Variants in MEGF10 observed in about 807,000 individuals in gnomAD.
MEGF10 encodes multiple EGF like domains 10, also known as multiple epidermal growth factor-like domains protein 10.
MEGF10 carries 86 observed loss-of-function variants against 147.5 expected under a neutral mutation model. The observed-to-expected ratio is 0.58, with a 90% CI of 0.49 to 0.70. The LOEUF (loss-of-function observed/expected upper bound fraction) is 0.70. MEGF10 is among the 30% of genes least tolerant of loss of function. MEGF10 has a pLI of 0.00. For synonymous variants in MEGF10, 478 were observed against 525.5 expected, an observed-to-expected ratio of 0.91 and a Z score of 1.24; for missense variants, 1,329 against 1,487.3, an observed-to-expected ratio of 0.89 and a Z score of 1.75.
intron 2 of MEGF10, among the ~76,000 whole-genome samples, chr5:127,331,729 C>T (rs1474022757): frequency 2.0e-5 from 3 of 151,996 alleles, no homozygotes; most frequent in Admixed American, 6.6e-5. Context: ...TTTGAATTTG[C>T]ATTAATTTTG....
rs770953905 is a variant in MEGF10 at position 127,398,807 on chromosome 5, T to G, written c.780+11T>G. On this transcript the variant is annotated intron_variant, in intron 7 of 24. Transcript: ENST00000503335. ...CCTTCTGGCTGGATGGTAAGCTTCC[T>G]TCCCACCTCCTCTGCCCCTGCCCCA... 1 of 1,613,268 alleles carries G rather than the reference T, an allele frequency of 6.2e-7. No homozygotes were observed. Among genetic ancestry groups the G allele is most frequent in the Non-Finnish European group, 8.5e-7 (1 of 1,179,816 alleles).
chr5:127,232,744 T>G, the MEGF10 span, among the ~76,000 whole-genome samples: 2 of 152,118 alleles, frequency 1.3e-5, no homozygotes, highest in African/African-American at 2.4e-5. Flanking sequence ...ATAGAAAAGA[T>G]GGGCACTTAT....
chr5:127,360,410 T>C (rs1249032088), intron 4 of MEGF10, among the ~76,000 whole-genome samples: 2 of 152,020 alleles, frequency 1.3e-5, no homozygotes, highest in African/African-American at 4.8e-5. Context: ...ATACATATAT[T>C]TACATAGTCT....
rs773666912 is a variant in MEGF10 at position 127,435,511 on chromosome 5, TTAA to T, written c.2104+26_2104+28del. 3 of 1,604,442 alleles carry T rather than the reference TTAA, an allele frequency of 1.9e-6. No individual in the cohort carries two copies. The East Asian group carries it at 6.8e-5, about 36-fold the overall frequency. On this transcript the variant is annotated intron_variant, in intron 16 of 24. Transcript: ENST00000503335. ...CAACGTAAGTCTTGTTTGAGAACAA[TTAA>T]TAAACTGTTCTTATTTGTTTGTTTT...
intron 5 of MEGF10, among the ~76,000 whole-genome samples, chr5:127,387,965 G>T (rs1763495825): frequency 6.6e-6 from 1 of 150,986 alleles, no homozygotes; most frequent in Non-Finnish European, 1.5e-5. Flanking sequence ...GGGTTTCTCT[G>T]CTTGTGAAAG....
the MEGF10 span, among the ~76,000 whole-genome samples, chr5:127,247,459 A>G: frequency 0.15 from 10,371 of 70,576 alleles, 3,131 homozygotes; most frequent in Middle Eastern, 0.36. Flanking sequence ...GAAGAAGAAG[A>G]AGAAGAAGAA....
chr5:127,293,945 GTCCCCAGCTC>G (rs1404069111), intron 1 of MEGF10, among the ~76,000 whole-genome samples: 1 of 152,112 alleles, frequency 6.6e-6, no homozygotes, highest in African/African-American at 2.4e-5. Context: ...TGCTTCTCTG[GTCCCCAGCTC>G]TCCAGCTCCC....
At chr5:127,246,828 T>C in the MEGF10 span, among the ~76,000 whole-genome samples, 1 of 5,138 alleles carries the variant, frequency 1.9e-4, no homozygotes, top group Non-Finnish European at 5.0e-4. Flanking sequence ...AGATAATATA[T>C]ACTATTACAT....
chr5:127,305,437 A>G (rs1447571307), intron 1 of MEGF10, among the ~76,000 whole-genome samples: 1 of 152,182 alleles, frequency 6.6e-6, no homozygotes, highest in African/African-American at 2.4e-5. Context: ...CCTAGGAGAC[A>G]TGTGAGGTGG....
chr5:127,240,294 A>T, the MEGF10 span, among the ~76,000 whole-genome samples: 943 of 152,288 alleles, frequency 6.2e-3, 7 homozygotes, highest in Middle Eastern at 0.02. Flanking sequence ...AAGCCCCAGC[A>T]TGGGCCTGGT....
At chr5:127,366,723 T>C (rs957895829) in intron 4 of MEGF10, among the ~76,000 whole-genome samples, 1 of 152,340 alleles carries the variant, frequency 6.6e-6, no homozygotes, top group East Asian at 1.9e-4. Flanking sequence ...ATTATTACAA[T>C]TGACTGAACT....
the MEGF10 span, among the ~76,000 whole-genome samples, chr5:127,268,530 G>C: frequency 6.6e-6 from 1 of 152,094 alleles, no homozygotes; most frequent in Non-Finnish European, 1.5e-5. Context: ...AGGCGGCAGC[G>C]AGGCTGGGGG....
At chr5:127,275,763 A>C in the MEGF10 span, among the ~76,000 whole-genome samples, 1 of 152,170 alleles carries the variant, frequency 6.6e-6, no homozygotes, top group Non-Finnish European at 1.5e-5. Context: ...GGGGTGAAGG[A>C]CTTTCCTACA....
chr5:127,420,842 C>T (rs1284007728), intron 12 of MEGF10, among the ~76,000 whole-genome samples: 1 of 152,068 alleles, frequency 6.6e-6, no homozygotes, highest in Non-Finnish European at 1.5e-5. Flanking sequence ...GATTTCTTTT[C>T]CATCACTCTT....
At chr5:127,240,360 G>C in the MEGF10 span, among the ~76,000 whole-genome samples, 1 of 152,160 alleles carries the variant, frequency 6.6e-6, no homozygotes, top group Non-Finnish European at 1.5e-5. Context: ...TCTGTGATTG[G>C]CTGATGCCTT....
At chr5:127,326,690 A>T (rs1026653674) in intron 1 of MEGF10, among the ~76,000 whole-genome samples, 2 of 152,170 alleles carry the variant, frequency 1.3e-5, no homozygotes, top group Non-Finnish European at 2.9e-5. Context: ...AGATAACACG[A>T]TGGAGTGGTC....
Position 127,426,127 on chromosome 5 carries a change from A to C in MEGF10, c.1693+3355A>C, listed in dbSNP as rs145062263. ...TCTTTACAAAGGAATTGACATGACTAAATTGAGGAAGTCTCACCCTAAGGT... is the reference window on the plus strand; with the variant it reads ...TCTTTACAAAGGAATTGACATGACTCAATTGAGGAAGTCTCACCCTAAGGT... On this transcript the variant is annotated intron_variant, in intron 13 of 24. Transcript: ENST00000503335. 5.6e-4 allele frequency among the ~76,000 whole-genome samples: 86 copies of C among 152,318 alleles called. 1 individual carries two copies. The highest frequency in any genetic ancestry group is 1.1e-3 in the Non-Finnish European group (78 of 68,020).
At chr5:127,310,012 T>TCC (rs61612226) in intron 1 of MEGF10, among the ~76,000 whole-genome samples, 8 of 78,058 alleles carry the variant, frequency 1.0e-4, no homozygotes, top group South Asian at 3.6e-4. Flanking sequence ...CTTCCTTCCT[T>TCC]TCTTTTTTTC....
chr5:127,447,007 G>A (rs1206719219), intron 20 of MEGF10, among the ~76,000 whole-genome samples: 1 of 152,072 alleles, frequency 6.6e-6, no homozygotes, highest in Non-Finnish European at 1.5e-5. Context: ...TTAAATAATT[G>A]GTTCTTTCAG....
Sources: allele counts gnomAD v4.1 joint callset (sites outside exome capture counted in the v4.1 genomes callset), GRCh38; gene constraint gnomAD v4.1.1; transcripts MANE v1.5; gene names NCBI Gene and HGNC (gene_info 2026-07-23, HGNC 2026-07-21).